NT5E: variants seen among roughly 807,000 people sequenced by gnomAD.
NT5E encodes 5'-nucleotidase ecto.
NT5E carries 53 observed loss-of-function variants against 55.1 expected under a neutral mutation model. The ratio of observed to expected loss-of-function variants is 0.96; its 90% CI spans 0.77 to 1.21. The LOEUF is 1.21. NT5E is among the 50% of genes most tolerant of loss of function. The probability of loss-of-function intolerance (pLI) is 0.00; values close to 1 mark genes in which losing one functional copy is unlikely to be tolerated. For synonymous variants in NT5E, 270 were observed against 278.4 expected (o/e 0.97, Z 0.30); for missense variants, 683 against 724.3 (o/e 0.94, Z 0.65).
chr6:85,450,661 A>G lies in NT5E; in HGVS notation c.339+183A>G, dbSNP rs1162062976. On this transcript the variant is annotated intron_variant, in intron 1 of 8. Coordinates refer to ENST00000257770, the MANE Select transcript of NT5E (RefSeq NM_002526.4). This position sits in a 1 kb window ranked among gnomAD's most constrained non-coding sequence, Gnocchi z 4.0. Reference sequence around the variant, plus strand: ...AGAAGTCCCTTGGACGATTCGTCTTAAACGGACGTTATTGCGCCCCCACTA... The same window carrying G: ...AGAAGTCCCTTGGACGATTCGTCTTGAACGGACGTTATTGCGCCCCCACTA... Among the ~76,000 whole-genome samples the G allele has an allele frequency of 6.6e-6, 1 of 152,182 alleles. No individual in the cohort carries two copies. The highest frequency in any genetic ancestry group is 2.4e-5 in the African/African-American group (1 of 41,456).
At chr6:85,488,445 G>A (rs1769712801) in intron 5 of NT5E, among the ~76,000 whole-genome samples, 1 of 152,224 alleles carries the variant, frequency 6.6e-6, no homozygotes, top group Non-Finnish European at 1.5e-5. Flanking sequence ...AAGTAGTTAA[G>A]GAGAAGCTGG....
intron 3 of NT5E, among the ~76,000 whole-genome samples, chr6:85,478,323 G>C (rs1769476453): frequency 6.6e-6 from 1 of 152,230 alleles, no homozygotes; most frequent in African/African-American, 2.4e-5. Context: ...GGCAGTCCAA[G>C]GTCATTTGGC....
intron 3 of NT5E, among the ~76,000 whole-genome samples, chr6:85,484,117 A>G (rs1054129517): frequency 6.6e-6 from 1 of 152,242 alleles, no homozygotes; most frequent in Admixed American, 6.5e-5. Context: ...TTCTCGTAAC[A>G]GGTCCATGTG....
chr6:85,459,248 CCA>C (rs1390351642), intron 1 of NT5E, among the ~76,000 whole-genome samples: 1 of 152,170 alleles, frequency 6.6e-6, no homozygotes, highest in Non-Finnish European at 1.5e-5. Context: ...CAGGCATGAG[CCA>C]CCATGCCCAG....
intron 2 of NT5E, among the ~76,000 whole-genome samples, chr6:85,468,298 A>G (rs1376834831): frequency 6.6e-6 from 1 of 152,178 alleles, no homozygotes; most frequent in African/African-American, 2.4e-5. Context: ...AGCTGGAGGC[A>G]GGGTGGAGCG....
At chr6:85,486,944 CAGT>C (rs910925175) in intron 4 of NT5E, among the ~76,000 whole-genome samples, 1 of 152,162 alleles carries the variant, frequency 6.6e-6, no homozygotes, top group Non-Finnish European at 1.5e-5. Context: ...ACAGCCCTCT[CAGT>C]AGCCAGATGG....
chr6:85,462,373 T>A (rs1769114742), intron 1 of NT5E, among the ~76,000 whole-genome samples: 1 of 152,148 alleles, frequency 6.6e-6, no homozygotes, highest in African/African-American at 2.4e-5. Context: ...CCAGCGATGC[T>A]CTTAGCAGCA....
intron 3 of NT5E, among the ~76,000 whole-genome samples, chr6:85,482,234 C>T (rs1769564821): frequency 1.3e-5 from 2 of 152,144 alleles, no homozygotes; most frequent in Non-Finnish European, 2.9e-5. Context: ...GTGGCTCATG[C>T]CTATAAGCCC....
In NT5E at chr6:85,485,369, GAA is replaced by G; in HGVS notation, c.888_889del (p.Gly298LysfsTer18). The G allele has an allele frequency of 6.2e-7, 1 of 1,614,208 alleles. No homozygotes were observed. The highest frequency in any genetic ancestry group is 8.5e-7 in the Non-Finnish European group (1 of 1,180,030). On this transcript the variant is annotated frameshift_variant, in exon 4 of 9. Transcript: ENST00000257770. LOFTEE classifies it high-confidence loss of function. Reference protein sequence around the residue: ...YLGYLKIEFDERGNVISSHGN... With the variant: ...YLGYLKIEFDXRGNVISSHGN... ...AGGCTATCTGAAGATCGAGTTTGATGAAAGAGGAAACGTCATCTCTTCCCATG... is the reference window on the plus strand; with the variant it reads ...AGGCTATCTGAAGATCGAGTTTGATGAGAGGAAACGTCATCTCTTCCCATG...
At position 85,467,114 on chromosome 6, in the gene NT5E, C is replaced by T. The variant is rs946909778; in HGVS notation, c.394C>T (p.Leu132Phe). ...NGVEGLIEPLLKEAKFPILSA... is the reference protein window; with the variant it reads ...NGVEGLIEPLFKEAKFPILSA... ...TGTGGAAGGACTGATCGAGCCACTC[C>T]TCAAAGAGGCCAAATTTCCAATTCT... The change falls in exon 2 of 9, where the codon CTC becomes TTC. Residue 132 changes from leucine to phenylalanine, a missense_variant. Leu to Phe is a conservative substitution (Grantham distance 22). Coordinates refer to ENST00000257770, the MANE Select transcript of NT5E (RefSeq NM_002526.4). The T allele has an allele frequency of 3.1e-6, 5 of 1,614,016 alleles. No homozygotes were observed. The highest frequency in any genetic ancestry group is 4.2e-6 in the Non-Finnish European group (5 of 1,180,032).
chr6:85,467,431 C>A, intron 2 of NT5E, 149 bp downstream of exon 2: 1 of 709,520 alleles, frequency 1.4e-6, no homozygotes, highest in East Asian at 2.7e-5. Flanking sequence ...CTGGTAAATT[C>A]TATGCTGTTG....
intron 1 of NT5E, among the ~76,000 whole-genome samples, chr6:85,466,545 T>C (rs1048277552): frequency 6.6e-6 from 1 of 152,118 alleles, no homozygotes; most frequent in Non-Finnish European, 1.5e-5. Flanking sequence ...ACAGGAGTGC[T>C]TGGGAAGAAG....
At chr6:85,466,559 T>C (rs533402853) in intron 1 of NT5E, among the ~76,000 whole-genome samples, 2 of 152,154 alleles carry the variant, frequency 1.3e-5, no homozygotes, top group East Asian at 3.9e-4. Flanking sequence ...GAAGAAGCAA[T>C]TGTGGCAACC....
Position 85,478,674 on chromosome 6 carries a change from T to C in NT5E, c.752-6561T>C, listed in dbSNP as rs546541768. ...GAGTTGTGGAGATTAAGTGAGATAA[T>C]ATATGAACAAAATATATAAATATGT... On this transcript the variant is annotated intron_variant, in intron 3 of 8. Transcript: ENST00000257770. 2.0e-5 allele frequency among the ~76,000 whole-genome samples: 3 copies of C among 152,046 alleles called. No homozygotes were observed. The East Asian group carries it at 5.8e-4, about 29-fold the overall frequency.
rs150989796 is a variant in NT5E, at chr6:85,492,155, T to C, written c.1539T>C (p.Asp513=). The C allele has an allele frequency of 3.3e-5, 54 of 1,614,112 alleles. No homozygotes were observed. The African/African-American group carries it at 6.1e-4, about 18-fold the overall frequency. The change falls in exon 8 of 9, where the codon GAT becomes GAC. Residue 513 remains aspartate (D), a synonymous_variant. Transcript: ENST00000257770. The part of the protein sequence containing the change: ...NGGDGFQMIK[D]ELLRHDSGDQ... ...GAGATGGGTTCCAGATGATAAAAGA[T>C]GAATTATTAAGACATGACTCTGGTA...
chr6:85,456,713 C>T (rs1768998497), intron 1 of NT5E, among the ~76,000 whole-genome samples: 1 of 152,158 alleles, frequency 6.6e-6, no homozygotes, highest in South Asian at 2.1e-4. Context: ...GAGATGATAA[C>T]ACCTGAACTC....
rs753264245 is a variant in NT5E at position 85,485,306 on chromosome 6, G to C, written c.823G>C (p.Val275Leu). 10 of 1,614,058 alleles carry C rather than the reference G, an allele frequency of 6.2e-6. No homozygotes were observed. The East Asian group carries it at 1.6e-4, about 25-fold the overall frequency. ...FIVTSDDGRKVPVVQAYAFGK... is the reference protein window; with the variant it reads ...FIVTSDDGRKLPVVQAYAFGK... ...AGTCACTTCTGATGATGGGCGGAAG[G>C]TTCCTGTAGTCCAGGCCTATGCTTT... The change falls in exon 4 of 9, where the codon GTT becomes CTT. Residue 275 changes from valine to leucine, a missense_variant. Val to Leu is a conservative substitution (Grantham distance 32). Transcript: ENST00000257770.
rs1311289125 is a variant in NT5E at position 85,485,418 on chromosome 6, G to A, written c.935G>A (p.Ser312Asn). Reference protein sequence around the residue: ...SSHGNPILLNSSIPEDPSIKA... With the variant: ...SSHGNPILLNNSIPEDPSIKA... ...CATGGAAATCCCATTCTTCTAAACA[G>A]CAGCATTCCTGAAGGTAAGTGAAGT... is the stretch of plus-strand genomic sequence containing the variant. Residue 312 changes from serine to asparagine, a missense_variant, in exon 4 of 9, where the codon AGC becomes AAC. Coordinates refer to ENST00000257770, the MANE Select transcript of NT5E (RefSeq NM_002526.4). 4 of 1,614,172 alleles carry A rather than the reference G, an allele frequency of 2.5e-6. No individual in the cohort carries two copies. The highest frequency in any genetic ancestry group is 3.4e-6 in the Non-Finnish European group (4 of 1,179,992).
At chr6:85,452,450 C>A (rs1376958417) in intron 1 of NT5E, among the ~76,000 whole-genome samples, 4 of 152,118 alleles carry the variant, frequency 2.6e-5, no homozygotes, top group Non-Finnish European at 5.9e-5. Context: ...TAAGTTACAG[C>A]CTATCTCTTC....
Sources: gnomAD v4.1 joint callset for allele counts (sites outside exome capture counted in the v4.1 genomes callset) on GRCh38, gnomAD v4.1.1 for gene constraint, Gnocchi (gnomAD v3.1) non-coding constraint, MANE v1.5 for transcripts, NCBI Gene and HGNC (gene_info 2026-07-23, HGNC 2026-07-21) for gene names.